Variants in POU2F1 observed in about 807,000 individuals in gnomAD.
POU2F1 encodes the protein POU class 2 homeobox 1.
In POU2F1, 16 loss-of-function variants were observed where a neutral mutation model predicts 84.9. That is an observed-to-expected ratio of 0.19 (90% CI 0.13 to 0.29). The LOEUF (loss-of-function observed/expected upper bound fraction) is 0.29, where lower values mean the gene tolerates loss of function less well. POU2F1 is among the 10% of genes least tolerant of loss of function. POU2F1 has a pLI of 1.00. For synonymous variants in POU2F1, 368 were observed against 368.3 expected (o/e 1.00, Z 0.01); for missense variants, 738 against 942.6 (o/e 0.78, Z 2.84).
At chr1:167,370,329 T>G (rs1659930123) in intron 4 of POU2F1, 115 bp downstream of exon 4, 1 of 763,436 alleles carries the variant, frequency 1.3e-6, no homozygotes, top group Admixed American at 3.1e-5. Context: ...CTTTTCAAAA[T>G]TAGTGAATCT....
At position 167,411,687 on chromosome 1, in the gene POU2F1, T is replaced by C. The variant is rs537125419; in HGVS notation, c.1556-272T>C. On this transcript the variant is annotated intron_variant, in intron 13 of 15. Coordinates refer to ENST00000367866, the MANE Select transcript of POU2F1 (RefSeq NM_002697.4). ...TATTCCATAATTAGAGCTTCTATGA[T>C]TCTTTTGTTTCTTGAATAGGAAACA... is the stretch of plus-strand genomic sequence containing the variant. 2.6e-5 allele frequency among the ~76,000 whole-genome samples: 4 copies of C among 152,326 alleles called. No individual in the cohort carries two copies. The East Asian group carries it at 5.8e-4, about 22-fold the overall frequency.
chr1:167,304,652 A>G (rs1454433304), intron 1 of POU2F1, among the ~76,000 whole-genome samples: 1 of 152,222 alleles, frequency 6.6e-6, no homozygotes, highest in Non-Finnish European at 1.5e-5. Flanking sequence ...TAAGGGAATC[A>G]TACTATTTTT....
rs768347357 is a variant in POU2F1, at chr1:167,332,483, C to T, written c.75C>T (p.Asn25=). ...AAAAAADSRM[N]NPSETSKPSM... Reference sequence around the variant, plus strand: ...GATTTATTGCAGACTCAAGAATGAACAATCCGTCAGAAACCAGTAAACCAT... The same window carrying T: ...GATTTATTGCAGACTCAAGAATGAATAATCCGTCAGAAACCAGTAAACCAT... The change falls in exon 2 of 16, where the codon AAC becomes AAT. Residue 25 remains asparagine, a synonymous_variant. Transcript: ENST00000367866. 17 of 1,609,878 alleles carry T rather than the reference C, an allele frequency of 1.1e-5. No individual in the cohort carries two copies. In the Middle Eastern group the frequency reaches 6.6e-4, roughly 62 times the overall value.
At chr1:167,291,111 C>T (rs949664473) in intron 1 of POU2F1, among the ~76,000 whole-genome samples, 6 of 151,114 alleles carry the variant, frequency 4.0e-5, no homozygotes, top group Non-Finnish European at 8.8e-5. Context: ...GAAGGAGAGG[C>T]GTCAGTGTGA....
In POU2F1 at chr1:167,423,232, A is replaced by G. The variant is rs1422553918; in HGVS notation, c.*7422A>G. On this transcript the variant is annotated 3_prime_UTR_variant, in exon 16 of 16. Transcript: ENST00000367866. ...TAAATGTTTTGTTCCAAATGTTTTTATATATGGGCTCTAGGGAGTCAGGTA... is the reference window on the plus strand; with the variant it reads ...TAAATGTTTTGTTCCAAATGTTTTTGTATATGGGCTCTAGGGAGTCAGGTA... 6.6e-6 allele frequency: 1 copy of G among 152,212 alleles called. No individual in the cohort carries two copies. Among genetic ancestry groups the G allele is most frequent in the East Asian group, 1.9e-4 (1 of 5,198 alleles). The allele number at this position is 152,212 out of a possible 1,614,324, so 9.4% of individuals were successfully genotyped here.
At chr1:167,406,318 A>G (rs1649571829) in intron 13 of POU2F1, among the ~76,000 whole-genome samples, 1 of 152,226 alleles carries the variant, frequency 6.6e-6, no homozygotes, top group Non-Finnish European at 1.5e-5. Flanking sequence ...AGATATTTGT[A>G]AAAATCCAAA....
At chr1:167,293,309 A>G (rs1654051433) in intron 1 of POU2F1, among the ~76,000 whole-genome samples, 1 of 152,216 alleles carries the variant, frequency 6.6e-6, no homozygotes, top group Non-Finnish European at 1.5e-5. Flanking sequence ...GTGTTTACAA[A>G]TCAGTAGCAC....
intron 1 of POU2F1, among the ~76,000 whole-genome samples, chr1:167,223,358 T>G (rs923291568): frequency 6.6e-6 from 1 of 152,140 alleles, no homozygotes; most frequent in African/African-American, 2.4e-5. Flanking sequence ...ACTTTTACTG[T>G]TTAGAGGAAA....
chr1:167,355,846 T>C (rs1557920494), intron 2 of POU2F1, among the ~76,000 whole-genome samples: 1 of 152,204 alleles, frequency 6.6e-6, no homozygotes, highest in Non-Finnish European at 1.5e-5. Flanking sequence ...TGGAACTTGC[T>C]GTATTTTGAT....
chr1:167,424,964 G>T lies in POU2F1; in HGVS notation c.*9154G>T, dbSNP rs141054543. Reference sequence around the variant, plus strand: ...TTGGGTAGAAGGGAAGACACCAAAGGCTCCTTTAAGCTGACTGCTGCATAC... The same window carrying T: ...TTGGGTAGAAGGGAAGACACCAAAGTCTCCTTTAAGCTGACTGCTGCATAC... On this transcript the variant is annotated 3_prime_UTR_variant, in exon 16 of 16. Transcript: ENST00000367866. 3 of 152,072 alleles carry T rather than the reference G, an allele frequency of 2.0e-5. No homozygotes were observed. The highest frequency in any genetic ancestry group is 1.9e-4 in the East Asian group (1 of 5,188). 9.4% of individuals were successfully genotyped at this position (152,072 alleles called of 1,614,324 possible).
rs184714137 is a variant in POU2F1 at position 167,308,310 on chromosome 1, G to A, written c.62-24160G>A. On this transcript the variant is annotated intron_variant, in intron 1 of 15. Transcript: ENST00000367866. ...TCGAACTCCCAATCGCAGGTGATCC[G>A]CCTGCCTCGGCCTCCCAAAGTGCTG... Among the ~76,000 whole-genome samples, 1,100 of 151,848 alleles carry A rather than the reference G, an allele frequency of 7.2e-3. 13 individuals are homozygous for A. The highest frequency in any genetic ancestry group is 0.011 in the Non-Finnish European group (768 of 67,928).
At chr1:167,327,086 AT>A (rs1434040803) in intron 1 of POU2F1, among the ~76,000 whole-genome samples, 2 of 152,246 alleles carry the variant, frequency 1.3e-5, no homozygotes, top group African/African-American at 4.8e-5. Context: ...TTAAAAACTC[AT>A]TTGAAATTTG....
At chr1:167,300,551 G>A (rs766799684) in intron 1 of POU2F1, among the ~76,000 whole-genome samples, 7 of 152,042 alleles carry the variant, frequency 4.6e-5, no homozygotes, top group East Asian at 1.9e-4. Context: ...TGCAACCTCC[G>A]CCTCCCAGGT....
At position 167,411,992 on chromosome 1, in the gene POU2F1, C is replaced by G; in HGVS notation, c.1589C>G (p.Thr530Ser). ...TSDTTSNNTA[T>S]VISTAPPASS... ...GACACCACCTCCAACAACACAGCAA[C>G]CGTGATTTCCACAGCGCCTCCAGCT... The change falls in exon 14 of 16, where the codon ACC becomes AGC. Residue 530 changes from threonine to serine, a missense_variant. Coordinates refer to ENST00000367866, the MANE Select transcript of POU2F1 (RefSeq NM_002697.4). 1 of 1,613,940 alleles carries G rather than the reference C, an allele frequency of 6.2e-7. No homozygotes were observed. The highest frequency in any genetic ancestry group is 8.5e-7 in the Non-Finnish European group (1 of 1,179,840).
chr1:167,401,477 T>C lies in POU2F1; in HGVS notation c.1476T>C (p.Thr492=). ...SLVATTPSLV[T]SSAATTLTVS... ...TGGCGACCACACCAAGCCTTGTGAC[T>C]AGCAGTGCAGCAACTACCCTCACAG... The change falls in exon 13 of 16, where the codon ACT becomes ACC. Residue 492 remains threonine, a synonymous_variant. Transcript: ENST00000367866. The C allele has an allele frequency of 4.3e-6, 7 of 1,613,288 alleles. No individual in the cohort carries two copies. Among genetic ancestry groups the C allele is most frequent in the Non-Finnish European group, 5.1e-6 (6 of 1,179,678 alleles).
chr1:167,364,944 G>A (rs777888964), intron 2 of POU2F1, among the ~76,000 whole-genome samples: 4 of 152,204 alleles, frequency 2.6e-5, no homozygotes, highest in Non-Finnish European at 4.4e-5. Context: ...TGTTGTTTAG[G>A]ATTAAAGGAA....
chr1:167,372,152 T>C (rs1360396342), intron 5 of POU2F1, 116 bp downstream of exon 5: 2 of 1,342,296 alleles, frequency 1.5e-6, no homozygotes, highest in Non-Finnish European at 2.0e-6. Flanking sequence ...TGCCTGGCAC[T>C]ATTGTGTCTT....
intron 1 of POU2F1, among the ~76,000 whole-genome samples, chr1:167,325,382 A>G (rs990635691): frequency 6.6e-6 from 1 of 152,170 alleles, no homozygotes; most frequent in African/African-American, 2.4e-5. Context: ...TATGGTCAGT[A>G]CAGAATAGAG....
intron 8 of POU2F1, among the ~76,000 whole-genome samples, chr1:167,388,230 A>G (rs1031578164): frequency 1.3e-5 from 2 of 152,210 alleles, no homozygotes; most frequent in Non-Finnish European, 1.5e-5. Context: ...CACATGGGAA[A>G]ATTTTGACAT....
Sources: gnomAD v4.1 joint callset for allele counts (sites outside exome capture counted in the v4.1 genomes callset) on GRCh38, gnomAD v4.1.1 for gene constraint, MANE v1.5 for transcripts, NCBI Gene and HGNC (gene_info 2026-07-23, HGNC 2026-07-21) for gene names.